Variants in GRHL2 observed in about 807,000 individuals in gnomAD.
GRHL2 encodes the protein grainyhead-like protein 2 homolog.
A neutral mutation model predicts 83.8 loss-of-function variants in GRHL2; 21 were observed. The observed-to-expected ratio is 0.25, with a 90% confidence interval of 0.18 to 0.36. The LOEUF is 0.36. Ranked by LOEUF, GRHL2 falls within the 10% of genes least tolerant of loss-of-function variation. The pLI is 1.00. For synonymous variants in GRHL2, 280 were observed against 278.9 expected, an observed-to-expected ratio of 1.00 and a Z score of -0.04; for missense variants, 623 against 781.8, an observed-to-expected ratio of 0.80 and a Z score of 2.42.
Position 101,652,337 on chromosome 8 carries a change from G to GTA in GRHL2, c.1698+2839_1698+2840insAT, listed in dbSNP as rs1813646143. ...GTGTGTGCGTGTGTGTGTGGTGTGT[G>GTA]TGTATGTGTGTGGTGTGTGTGGTGT... is the stretch of plus-strand genomic sequence containing the variant. On this transcript the variant is annotated intron_variant, in intron 14 of 15. Transcript: ENST00000646743. 3.0e-5 allele frequency among the ~76,000 whole-genome samples: 3 copies of GTA among 100,038 alleles called. No homozygotes were observed. In the East Asian group the frequency reaches 7.9e-4, roughly 26 times the overall value. The allele number at this position is 100,038 out of a possible 152,430, so 65.6% of individuals were successfully genotyped here.
At chr8:101,629,755 T>C (rs1023999416) in intron 9 of GRHL2, among the ~76,000 whole-genome samples, 2 of 152,132 alleles carry the variant, frequency 1.3e-5, no homozygotes, top group East Asian at 3.8e-4. Context: ...TCACAGACTT[T>C]AGTATTTTGA....
chr8:101,530,521 TTAATC>T (rs1380354643), intron 1 of GRHL2, among the ~76,000 whole-genome samples: 3 of 152,248 alleles, frequency 2.0e-5, no homozygotes, highest in South Asian at 4.1e-4. Context: ...TCCCAATTCT[TTAATC>T]TATATTTCTG....
intron 3 of GRHL2, among the ~76,000 whole-genome samples, chr8:101,553,653 G>A (rs1267710583): frequency 1.4e-5 from 2 of 142,898 alleles, no homozygotes; most frequent in African/African-American, 5.3e-5. Context: ...TTTTGAGACG[G>A]AGTCTCGCTC....
At chr8:101,645,919 G>T (rs1813503417) in intron 13 of GRHL2, among the ~76,000 whole-genome samples, 1 of 152,050 alleles carries the variant, frequency 6.6e-6, no homozygotes, top group Admixed American at 6.5e-5. Context: ...TGTCACTCAG[G>T]CTGGAGTGCA....
chr8:101,640,687 G>C (rs1813383409), intron 12 of GRHL2, among the ~76,000 whole-genome samples: 3 of 152,104 alleles, frequency 2.0e-5, no homozygotes, highest in Admixed American at 2.0e-4. Flanking sequence ...TCTTTTTCCA[G>C]CTTGCAGCAA....
intron 11 of GRHL2, among the ~76,000 whole-genome samples, chr8:101,634,785 C>T (rs373763324): frequency 1.3e-4 from 20 of 152,202 alleles, no homozygotes; most frequent in African/African-American, 4.1e-4. Flanking sequence ...AGGCCACCTG[C>T]CCCCCACCCC....
chr8:101,645,533 C>T (rs1205434242), intron 13 of GRHL2, among the ~76,000 whole-genome samples: 1 of 152,006 alleles, frequency 6.6e-6, no homozygotes, highest in Non-Finnish European at 1.5e-5. Flanking sequence ...TCAAGAGAAC[C>T]CGTCTGTAGC....
At chr8:101,497,386 G>A (rs571338987) in intron 1 of GRHL2, among the ~76,000 whole-genome samples, 1 of 152,304 alleles carries the variant, frequency 6.6e-6, no homozygotes, top group African/African-American at 2.4e-5. Context: ...ATATCCATCA[G>A]AAAACATGGA....
At chr8:101,599,205 A>G in intron 8 of GRHL2, 54 bp downstream of exon 8, 1 of 1,165,306 alleles carries the variant, frequency 8.6e-7, no homozygotes, top group Non-Finnish European at 1.3e-6. Flanking sequence ...CATCCTCAGC[A>G]GTTTATTCTT....
the GRHL2 span, among the ~76,000 whole-genome samples, chr8:101,681,139 C>G: frequency 6.7e-6 from 1 of 150,268 alleles, no homozygotes; most frequent in Non-Finnish European, 1.5e-5. Flanking sequence ...AATCCAGGAG[C>G]TGGTTTTTTA....
intron 14 of GRHL2, among the ~76,000 whole-genome samples, chr8:101,661,278 C>T (rs1813915477): frequency 1.3e-5 from 2 of 152,182 alleles, no homozygotes; most frequent in African/African-American, 4.8e-5. Context: ...TTACAGCATG[C>T]CACTGGTGGC....
intron 1 of GRHL2, among the ~76,000 whole-genome samples, chr8:101,522,934 G>A (rs1810719525): frequency 2.0e-5 from 3 of 150,662 alleles, no homozygotes; most frequent in Non-Finnish European, 4.4e-5. Context: ...TTTTTAGATG[G>A]AATCTCGCTC....
In GRHL2 at chr8:101,669,705, TATTC is replaced by T. The variant is rs1286519667; in HGVS notation, c.*3005_*3008del. ...TACATTTTTAAGGAGAAAAAATAAA[TATTC>T]ATAACATAAGAGTAAAACAACAGTG... On this transcript the variant is annotated 3_prime_UTR_variant, in exon 16 of 16. Transcript: ENST00000646743. 1.3e-5 allele frequency: 2 copies of T among 152,112 alleles called. No individual in the cohort carries two copies. Among genetic ancestry groups the T allele is most frequent in the African/African-American group, 2.4e-5 (1 of 41,290 alleles). 9.4% of individuals were successfully genotyped at this position (152,112 alleles called of 1,614,324 possible).
intron 11 of GRHL2, 79 bp downstream of exon 11, chr8:101,632,444 G>C (rs1049313498): frequency 6.5e-6 from 10 of 1,537,450 alleles, no homozygotes; most frequent in Non-Finnish European, 9.0e-6. Context: ...ATTTCAGACA[G>C]TGTTGACCTC....
intron 1 of GRHL2, among the ~76,000 whole-genome samples, chr8:101,493,149 C>A (rs1457995080): frequency 6.6e-6 from 1 of 152,216 alleles, no homozygotes; most frequent in East Asian, 1.9e-4. Flanking sequence ...GTTTTAGCTG[C>A]TCCCACCGAT....
chr8:101,574,121 A>G lies in GRHL2; in HGVS notation c.891+297A>G, dbSNP rs16867839. On this transcript the variant is annotated intron_variant, in intron 6 of 15. Transcript: ENST00000646743. ...TCCTCGTTGTTGTTATTTTCAATCA[A>G]TTGATCTTAATTTTTCAAGTAAGTA... is the stretch of plus-strand genomic sequence containing the variant. Among the ~76,000 whole-genome samples, 20,825 of 152,150 alleles carry G rather than the reference A, an allele frequency of 0.14. 1,838 individuals are homozygous for G. Among genetic ancestry groups the G allele is most frequent in the South Asian group, 0.27 (1,311 of 4,806 alleles).
At chr8:101,564,544 G>C (rs1040349808) in intron 4 of GRHL2, among the ~76,000 whole-genome samples, 2 of 152,096 alleles carry the variant, frequency 1.3e-5, no homozygotes, top group African/African-American at 4.8e-5. Flanking sequence ...GGTGGCTTGT[G>C]CCTGTAATCC....
intron 2 of GRHL2, among the ~76,000 whole-genome samples, chr8:101,552,261 C>T (rs1295248209): frequency 6.6e-6 from 1 of 152,170 alleles, no homozygotes; most frequent in East Asian, 1.9e-4. Context: ...CTAAGCACTC[C>T]CAACCACGTC....
intron 11 of GRHL2, among the ~76,000 whole-genome samples, chr8:101,636,215 T>C (rs1394020902): frequency 6.6e-6 from 1 of 152,206 alleles, no homozygotes; most frequent in African/African-American, 2.4e-5. Context: ...GCTTCATAAT[T>C]TCTTTAATCT....
Sources: gnomAD v4.1 joint callset for allele counts (sites outside exome capture counted in the v4.1 genomes callset) on GRCh38, gnomAD v4.1.1 for gene constraint, MANE v1.5 for transcripts, NCBI Gene and HGNC (gene_info 2026-07-23, HGNC 2026-07-21) for gene names.